MTRR: variants seen among roughly 807,000 people sequenced by gnomAD.
MTRR encodes the protein methionine synthase reductase.
Under a neutral mutation model 79.2 loss-of-function variants are expected in MTRR, and 63 were observed. The ratio of observed to expected loss-of-function variants is 0.80; its 90% CI spans 0.65 to 0.98. The LOEUF (loss-of-function observed/expected upper bound fraction) is 0.98. MTRR is among the 50% of genes least tolerant of loss of function. The pLI, the probability that MTRR is intolerant of heterozygous loss-of-function variation, is 0.00. For synonymous variants in MTRR, 355 were observed against 313.3 expected (o/e 1.13, Z -1.41); for missense variants, 895 against 839.6 (o/e 1.07, Z -0.82).
At chr5:7,883,113 A>G (rs1735841305) in intron 5 of MTRR, 42 bp from the exon 6 acceptor site, 2 of 1,613,944 alleles carry the variant, frequency 1.2e-6, no homozygotes, top group Non-Finnish European at 1.7e-6. Context: ...GAAGGGTATA[A>G]TTGAAAATTG....
At chr5:7,867,782 A>G (rs1561113836), upstream of MTRR, 1 of 1,614,242 alleles carries the variant, frequency 6.2e-7, no homozygotes, top group South Asian at 1.1e-5. Flanking sequence ...CCTGTAAAAC[A>G]TCTGACTCTC....
chr5:7,853,776 C>T (rs1038876104), intron 1 of MTRR, among the ~76,000 whole-genome samples: 15 of 152,200 alleles, frequency 9.9e-5, no homozygotes, highest in South Asian at 6.2e-4. Flanking sequence ...TGAACTTGTA[C>T]GACCACTGCC....
In MTRR at chr5:7,889,164, A is replaced by G. The variant is rs1239051004; in HGVS notation, c.1216A>G (p.Ser406Gly). Residue 406 changes from serine to glycine, a missense_variant, in exon 9 of 15, where the codon AGT (serine) becomes GGT (glycine). Coordinates refer to ENST00000440940, the MANE Select transcript of MTRR (RefSeq NM_002454.3). Reference protein sequence around the residue: ...AEKRRLQELCSKQGAADYSRF... With the variant: ...AEKRRLQELCGKQGAADYSRF... ...AAAGCGCAGGCTACAGGAGCTGTGCAGTAAACAAGGGGCAGCCGATTATAG... is the reference window on the plus strand; with the variant it reads ...AAAGCGCAGGCTACAGGAGCTGTGCGGTAAACAAGGGGCAGCCGATTATAG... 5.0e-6 allele frequency: 8 copies of G among 1,614,030 alleles called. No individual in the cohort carries two copies. The African/African-American group carries it at 6.7e-5, about 13-fold the overall frequency.
In MTRR at chr5:7,891,432, C is replaced by T. The variant is rs374485961; in HGVS notation, c.1370+18C>T. The T allele has an allele frequency of 6.9e-5, 110 of 1,589,036 alleles. No homozygotes were observed. Among genetic ancestry groups the T allele is most frequent in the South Asian group, 4.5e-4 (41 of 90,476 alleles). On this transcript the variant is annotated intron_variant, in intron 10 of 14. Transcript: ENST00000440940. ...TGTGCAAGGTACTACTATTTATTCA[C>T]GTAATATATAGCATTGTTTCTCCAA...
intron 1 of MTRR, 84 bp downstream of exon 1, chr5:7,869,299 G>A: frequency 2.0e-5 from 30 of 1,538,134 alleles, no homozygotes; most frequent in Non-Finnish European, 2.4e-5. Flanking sequence ...CGGGGCGGGG[G>A]TGGGCAGCCG....
Position 7,877,958 on chromosome 5 carries a change from T to C in MTRR, c.416T>C (p.Val139Ala). 6.2e-7 allele frequency: 1 copy of C among 1,613,192 alleles called. No homozygotes were observed. Among genetic ancestry groups the C allele is most frequent in the Non-Finnish European group, 8.5e-7 (1 of 1,179,950 alleles). The change falls in exon 5 of 15, where the codon GTT becomes GCT. Residue 139 changes from valine to alanine, a missense_variant. By Grantham distance (64) the Val-to-Ala change is moderately conservative. Transcript: ENST00000440940. ...TTACTGTCCAGTTTAGAACTTGTGG[T>C]TGAGCCGTGGATTGCTGGACTCTGG... ...ADDCVGLELV[V>A]EPWIAGLWPA...
intron 14 of MTRR, among the ~76,000 whole-genome samples, chr5:7,897,576 A>G (rs777220742): frequency 3.3e-5 from 5 of 152,176 alleles, no homozygotes; most frequent in Non-Finnish European, 5.9e-5. Context: ...TTTGTTATAT[A>G]TAAGAATAGG....
At chr5:7,863,059 TGAA>T in intron 2 of MTRR, 1 of 1,452,738 alleles carries the variant, frequency 6.9e-7, no homozygotes, top group Non-Finnish European at 9.5e-7. Flanking sequence ...GAGAATAAAT[TGAA>T]GGTTACCTAG....
intron 2 of MTRR, chr5:7,872,312 C>G: frequency 4.8e-6 from 2 of 418,870 alleles, no homozygotes; most frequent in Middle Eastern, 3.5e-4. Context: ...ACAAGTAAGA[C>G]AAGGAAGTGT....
chr5:7,882,163 C>CT (rs1200257101), intron 5 of MTRR, among the ~76,000 whole-genome samples: 1 of 152,196 alleles, frequency 6.6e-6, no homozygotes, highest in Non-Finnish European at 1.5e-5. Flanking sequence ...GCTGTGCAGT[C>CT]TCAGCAAAGG....
chr5:7,868,830 A>C (rs1188246680), upstream of MTRR: 1 of 506,784 alleles, frequency 2.0e-6, no homozygotes, highest in African/African-American at 2.0e-5. Context: ...TAGGAATGAA[A>C]GGGACCCGCG....
intron 5 of MTRR, 42 bp downstream of exon 5, chr5:7,878,364 T>TG (rs1445574782): frequency 6.2e-7 from 1 of 1,608,204 alleles, no homozygotes; most frequent in South Asian, 1.1e-5. Context: ...TATTTAATCA[T>TG]GGATGTTTGC....
chr5:7,868,076 A>G (rs896244670), upstream of MTRR: 10 of 1,588,960 alleles, frequency 6.3e-6, no homozygotes, highest in Non-Finnish European at 8.5e-6. Context: ...CAAGGTGATT[A>G]ATGCCATACC....
intron 1 of MTRR, among the ~76,000 whole-genome samples, chr5:7,852,188 C>T (rs1213911788): frequency 1.3e-5 from 2 of 152,144 alleles, no homozygotes; most frequent in Admixed American, 6.5e-5. Flanking sequence ...AGGAGCAGTG[C>T]CCTGCCTTCT....
chr5:7,895,731 C>T lies in MTRR; in HGVS notation c.1558-3C>T, dbSNP rs760491283. On this transcript the variant is annotated splice_region_variant and splice_polypyrimidine_tract_variant and intron_variant, in intron 11 of 14. Coordinates refer to ENST00000440940, the MANE Select transcript of MTRR (RefSeq NM_002454.3). ...ACTTACCACATTTGATGTAATATTT[C>T]AGATATCCATCTCTCCTCGAACAAC... is the stretch of plus-strand genomic sequence containing the variant. The T allele has an allele frequency of 3.7e-6, 6 of 1,613,882 alleles. No homozygotes were observed. Among genetic ancestry groups the T allele is most frequent in the Non-Finnish European group, 8.5e-7 (1 of 1,179,808 alleles).
At chr5:7,887,432 G>A (rs986257282) in intron 8 of MTRR, among the ~76,000 whole-genome samples, 2 of 151,708 alleles carry the variant, frequency 1.3e-5, no homozygotes, top group African/African-American at 4.8e-5. Context: ...TAATTAGGCC[G>A]CCATCTCCCC....
At chr5:7,868,839 C>G, upstream of MTRR, 1 of 523,160 alleles carries the variant, frequency 1.9e-6, no homozygotes, top group Non-Finnish European at 3.5e-6. Context: ...AAGGGACCCG[C>G]GGGGCGAGCA....
chr5:7,879,462 CAAA>C (rs35558077), intron 5 of MTRR, among the ~76,000 whole-genome samples: 107 of 88,546 alleles, frequency 1.2e-3, no homozygotes, highest in Admixed American at 1.8e-3. Context: ...GACTCCGTCT[CAAA>C]AAAAAAAAAA....
chr5:7,883,129 AC>A (rs757259591), intron 5 of MTRR, 25 bp from the exon 6 acceptor site: 9 of 1,614,152 alleles, frequency 5.6e-6, no homozygotes, highest in East Asian at 2.2e-5. Context: ...AATTGCACTT[AC>A]GTTTTGTCAC....
Sources: allele counts gnomAD v4.1 joint callset (sites outside exome capture counted in the v4.1 genomes callset), GRCh38; gene constraint gnomAD v4.1.1; transcripts MANE v1.5; gene names NCBI Gene and HGNC (gene_info 2026-07-23, HGNC 2026-07-21).